The following IL21R variants were observed in gnomAD, a reference collection of about 807,000 sequenced individuals.
IL21R encodes interleukin-21 receptor.
A neutral mutation model predicts 41.3 loss-of-function variants in IL21R; 14 were observed. The ratio of observed to expected loss-of-function variants is 0.34; its 90% CI spans 0.22 to 0.53. The LOEUF (loss-of-function observed/expected upper bound fraction) is 0.53. Among genes scored for constraint, IL21R ranks in the 20% least tolerant of loss-of-function variants. The pLI, the probability that IL21R is intolerant of heterozygous loss-of-function variation, is 0.94. For missense variants in IL21R, 588 were observed against 681.6 expected, an observed-to-expected ratio of 0.86 and a Z score of 1.53; for synonymous variants, 286 against 287.6, an observed-to-expected ratio of 0.99 and a Z score of 0.05.
chr16:27,425,556 T>TG (rs1464939019), intron 1 of IL21R, among the ~76,000 whole-genome samples: 9 of 151,192 alleles, frequency 6.0e-5, no homozygotes, highest in African/African-American at 2.2e-4. Context: ...TGTGTTTTGT[T>TG]TTGTTTTTTT....
intron 8 of IL21R, among the ~76,000 whole-genome samples, 187 bp downstream of exon 8, chr16:27,446,275 A>G (rs1300557093): frequency 5.3e-5 from 8 of 152,188 alleles, no homozygotes; most frequent in Admixed American, 3.9e-4. Flanking sequence ...GTGGTGCAGA[A>G]TTGGCAGAAG....
chr16:27,448,457 G>T lies in IL21R; in HGVS notation c.868-77G>T. 1.4e-6 allele frequency: 2 copies of T among 1,442,262 alleles called. No homozygotes were observed. The highest frequency in any genetic ancestry group is 1.9e-6 in the Non-Finnish European group (2 of 1,075,602). 89.3% of individuals were successfully genotyped at this position (1,442,262 alleles called of 1,614,324 possible). On this transcript the variant is annotated intron_variant, in intron 8 of 8. Transcript: ENST00000337929. ...GCAGCAGAGCCAGACTGTCTCAAAA[G>T]AATAAAAGTAAAAGAAAAATAAACC...
At chr16:27,413,641 T>A (rs1267377522) in intron 1 of IL21R, among the ~76,000 whole-genome samples, 1 of 151,776 alleles carries the variant, frequency 6.6e-6, no homozygotes, top group Non-Finnish European at 1.5e-5. Flanking sequence ...TTAGGTCTGC[T>A]TAGATTTTCT....
At chr16:27,415,542 T>A (rs1805692534) in intron 1 of IL21R, among the ~76,000 whole-genome samples, 1 of 152,220 alleles carries the variant, frequency 6.6e-6, no homozygotes, top group South Asian at 2.1e-4. Context: ...TAACATCTGC[T>A]TATCATGAGA....
intron 1 of IL21R, chr16:27,427,265 C>T: frequency 2.0e-6 from 2 of 985,412 alleles, no homozygotes; most frequent in Non-Finnish European, 2.4e-6. Context: ...CCACTAGAGG[C>T]AGCTCAGATA....
intron 1 of IL21R, among the ~76,000 whole-genome samples, chr16:27,416,358 G>A (rs941246560): frequency 6.6e-6 from 1 of 152,028 alleles, no homozygotes; most frequent in African/African-American, 2.4e-5. Context: ...GGCTGATCTC[G>A]AACTCCTGAC....
intron 1 of IL21R, among the ~76,000 whole-genome samples, chr16:27,427,980 T>C (rs2087106217): frequency 6.6e-6 from 1 of 152,246 alleles, no homozygotes; most frequent in South Asian, 2.1e-4. Flanking sequence ...ATAGAAAATA[T>C]ATTAAAATAT....
rs545343462 is a variant in IL21R at position 27,407,003 on chromosome 16, A to G, written c.-17+4385A>G. ...TCCTTGTTACTAATCTGATGACATT[A>G]GTCATGATTATTCACACTCTGGAAG... On this transcript the variant is annotated intron_variant, in intron 1 of 8. Transcript: ENST00000337929. Among the ~76,000 whole-genome samples, 8 of 152,324 alleles carry G rather than the reference A, an allele frequency of 5.3e-5. No individual in the cohort carries two copies. In the South Asian group the frequency reaches 1.7e-3, roughly 32 times the overall value.
chr16:27,439,378 A>C (rs944304478), intron 4 of IL21R, among the ~76,000 whole-genome samples: 9 of 142,924 alleles, frequency 6.3e-5, no homozygotes, highest in East Asian at 1.9e-4. Flanking sequence ...ACACACACAC[A>C]CACACGTACA....
Position 27,403,435 on chromosome 16 carries a change from AG to A in IL21R, c.-17+819del, listed in dbSNP as rs201027900. Among the ~76,000 whole-genome samples the A allele has an allele frequency of 5.3e-3, 814 of 152,282 alleles. 11 individuals are homozygous for A. The highest frequency in any genetic ancestry group is 0.019 in the African/African-American group (769 of 41,536). On this transcript the variant is annotated intron_variant, in intron 1 of 8. Coordinates refer to ENST00000337929, the MANE Select transcript of IL21R (RefSeq NM_181078.3). ...TCAAAGCCAGGAGGCTGCTGCGAGG[AG>A]GACATCTGTGATTCCCTGGGGGGAG...
At chr16:27,440,286 A>AGAGAGAGAGAGAGAGAGAGAG (rs1567370101) in intron 4 of IL21R, among the ~76,000 whole-genome samples, 1 of 105,472 alleles carries the variant, frequency 9.5e-6, no homozygotes, top group African/African-American at 4.4e-5. Flanking sequence ...GAGAGCGAGC[A>AGAGAGAGAGAGAGAGAGAGAG]AGCGCGCGCC....
chr16:27,411,023 T>C (rs2086814462), intron 1 of IL21R, among the ~76,000 whole-genome samples: 1 of 152,232 alleles, frequency 6.6e-6, no homozygotes, highest in South Asian at 2.1e-4. Context: ...GTCTGAATAA[T>C]ATTCCATTAT....
intron 1 of IL21R, among the ~76,000 whole-genome samples, chr16:27,405,977 G>A (rs893278837): frequency 1.3e-5 from 2 of 152,272 alleles, no homozygotes; most frequent in Non-Finnish European, 2.9e-5. Flanking sequence ...GTTGGGGCAA[G>A]TGCACCAGCC....
chr16:27,428,132 T>A (rs1244287854), intron 1 of IL21R, among the ~76,000 whole-genome samples: 2 of 152,168 alleles, frequency 1.3e-5, no homozygotes, highest in African/African-American at 4.8e-5. Context: ...TTACAGCTGT[T>A]GTTTGAGTGT....
chr16:27,447,548 A>C (rs1408999282), intron 8 of IL21R: 1 of 152,004 alleles, frequency 6.6e-6, no homozygotes, highest in Non-Finnish European at 1.5e-5. Flanking sequence ...CAGGGGAGGG[A>C]AGGGGAGGGT....
In IL21R at chr16:27,449,193, C is replaced by T. The variant is rs201510909; in HGVS notation, c.1527C>T (p.Ser509=). 4.6e-5 allele frequency: 74 copies of T among 1,612,900 alleles called. No homozygotes were observed. The highest frequency in any genetic ancestry group is 8.5e-6 in the Non-Finnish European group (10 of 1,179,990). The change falls in exon 9 of 9, where the codon AGC becomes AGT. Residue 509 remains serine (S), a synonymous_variant. Transcript: ENST00000337929. ...GCCCTGTGGAGTGTGACTTCACCAG[C>T]CCCGGGGACGAAGGACCCCCCCGGA... The part of the protein sequence containing the change: ...CSSPVECDFT[S]PGDEGPPRSY...
At chr16:27,407,723 G>A (rs1471814360) in intron 1 of IL21R, among the ~76,000 whole-genome samples, 3 of 152,220 alleles carry the variant, frequency 2.0e-5, no homozygotes, top group African/African-American at 7.2e-5. Flanking sequence ...TACTTGGGAG[G>A]CTGAGGCAGG....
chr16:27,418,108 C>T (rs1437899942), intron 1 of IL21R, among the ~76,000 whole-genome samples: 1 of 149,630 alleles, frequency 6.7e-6, no homozygotes, highest in African/African-American at 2.5e-5. Context: ...TTCGCTCTAT[C>T]GCCCAGGCTG....
intron 1 of IL21R, among the ~76,000 whole-genome samples, chr16:27,416,697 T>C (rs1476350374): frequency 1.3e-5 from 2 of 152,206 alleles, no homozygotes; most frequent in African/African-American, 2.4e-5. Flanking sequence ...TCAACAAAGT[T>C]GTGCAGTCAT....
Sources: gnomAD v4.1 joint callset for allele counts (sites outside exome capture counted in the v4.1 genomes callset) on GRCh38, gnomAD v4.1.1 for gene constraint, MANE v1.5 for transcripts, NCBI Gene and HGNC (gene_info 2026-07-23, HGNC 2026-07-21) for gene names.